Variants in SMIM35 observed in about 807,000 individuals in gnomAD.
SMIM35 encodes small integral membrane protein 35.
At chr11:118,012,146 G>C (rs1311254140) in intron 4 of SMIM35, among the ~76,000 whole-genome samples, 1 of 152,170 alleles carries the variant, frequency 6.6e-6, no homozygotes, top group Non-Finnish European at 1.5e-5. Context: ...TCTGTTGCTG[G>C]GCTGCTAGCA....
intron 1 of SMIM35, among the ~76,000 whole-genome samples, chr11:118,044,719 A>T (rs1245870162): frequency 2.1e-5 from 3 of 143,694 alleles, no homozygotes; most frequent in African/African-American, 7.7e-5. Context: ...GGTTGCAGTG[A>T]GCCGAGACTG....
At chr11:118,031,180 AACT>A (rs1401689191) in intron 1 of SMIM35, among the ~76,000 whole-genome samples, 1 of 152,210 alleles carries the variant, frequency 6.6e-6, no homozygotes, top group Non-Finnish European at 1.5e-5. Flanking sequence ...TATTGGTGTG[AACT>A]ACAGTTTAAT....
intron 1 of SMIM35, among the ~76,000 whole-genome samples, chr11:118,021,963 A>T: frequency 6.6e-6 from 1 of 152,110 alleles, no homozygotes; most frequent in East Asian, 1.9e-4. Context: ...TGGGGAATAC[A>T]CATTGTTCTC....
intron 1 of SMIM35, among the ~76,000 whole-genome samples, chr11:118,031,526 G>C (rs1298850229): frequency 6.6e-6 from 1 of 152,152 alleles, no homozygotes; most frequent in Non-Finnish European, 1.5e-5. Flanking sequence ...AAGTTTTCAA[G>C]GGAAGGCGAG....
chr11:118,013,507 C>G lies in SMIM35; in HGVS notation c.*33+241G>C, dbSNP rs144320589. 2.5e-3 allele frequency among the ~76,000 whole-genome samples: 385 copies of G among 152,230 alleles called. 2 individuals carry two copies. Among genetic ancestry groups the G allele is most frequent in the Middle Eastern group, 0.01 (3 of 292 alleles). ...CACCTTGAATGCAAACAGAACCTTCCCAGGAAGGAAAGGCCGGGCATGGAT... is the reference window on the plus strand; with the variant it reads ...CACCTTGAATGCAAACAGAACCTTCGCAGGAAGGAAAGGCCGGGCATGGAT... On this transcript the variant is annotated intron_variant, in intron 4 of 4. Coordinates refer to ENST00000689828, the MANE Select transcript of SMIM35 (RefSeq NM_001394165.1).
chr11:118,012,630 T>C (rs138101095), intron 4 of SMIM35, among the ~76,000 whole-genome samples: 26 of 152,120 alleles, frequency 1.7e-4, no homozygotes, highest in Non-Finnish European at 3.4e-4. Flanking sequence ...AAATTGGGAG[T>C]TGGCCATGTT....
intron 1 of SMIM35, among the ~76,000 whole-genome samples, chr11:118,017,933 G>T (rs1390304722): frequency 6.6e-6 from 1 of 152,188 alleles, no homozygotes; most frequent in Non-Finnish European, 1.5e-5. Context: ...CCACCCCCAT[G>T]ATTAAATCAC....
chr11:118,053,613 A>G (rs1944258455), intron 1 of SMIM35, among the ~76,000 whole-genome samples: 1 of 152,162 alleles, frequency 6.6e-6, no homozygotes, highest in South Asian at 2.1e-4. Flanking sequence ...TCCCCCAAGA[A>G]CTAGAGGCAA....
chr11:118,071,212 C>T (rs1188720255), intron 1 of SMIM35, among the ~76,000 whole-genome samples: 5 of 152,216 alleles, frequency 3.3e-5, no homozygotes, highest in African/African-American at 1.2e-4. Context: ...TGGAAGGGAA[C>T]ACCTGTTCAT....
At chr11:118,030,912 C>T (rs2058313867) in intron 1 of SMIM35, among the ~76,000 whole-genome samples, 1 of 151,932 alleles carries the variant, frequency 6.6e-6, no homozygotes, top group African/African-American at 2.4e-5. Flanking sequence ...CATGATGGTG[C>T]AGCCCAGCAT....
chr11:118,044,151 A>G (rs182422066), intron 1 of SMIM35, among the ~76,000 whole-genome samples: 1 of 152,202 alleles, frequency 6.6e-6, no homozygotes, highest in Admixed American at 6.5e-5. Flanking sequence ...TGCATTTTCT[A>G]TAATCCAGGT....
rs1473693305 is a variant in SMIM35 at position 118,003,797 on chromosome 11, A to C, written c.*2613T>G. 1 of 152,246 alleles carries C rather than the reference A, an allele frequency of 6.6e-6. No individual in the cohort carries two copies. Among genetic ancestry groups the C allele is most frequent in the African/African-American group, 2.4e-5 (1 of 41,448 alleles). 9.4% of individuals were successfully genotyped at this position (152,246 alleles called of 1,614,324 possible). A position where few individuals can be genotyped will look rare whatever the true frequency, so the allele number is the denominator to read the frequency against. On this transcript the variant is annotated 3_prime_UTR_variant, in exon 5 of 5. Coordinates refer to ENST00000689828, the MANE Select transcript of SMIM35 (RefSeq NM_001394165.1). ...CATCTGGTTATGAAGATAAACACCA[A>C]GCAAATAAACACAACAAACGTATTA...
At chr11:118,044,433 G>C (rs1442760358) in intron 1 of SMIM35, among the ~76,000 whole-genome samples, 1 of 151,872 alleles carries the variant, frequency 6.6e-6, no homozygotes, top group Non-Finnish European at 1.5e-5. Flanking sequence ...AAAGCCAGGA[G>C]ATCTTGCAAA....
At chr11:118,008,783 G>T (rs2135011244) in intron 4 of SMIM35, among the ~76,000 whole-genome samples, 1 of 152,358 alleles carries the variant, frequency 6.6e-6, no homozygotes, top group South Asian at 2.1e-4. Flanking sequence ...GCCATGCAAA[G>T]TACCGTGGAG....
chr11:118,066,695 A>G (rs555660627), intron 1 of SMIM35, among the ~76,000 whole-genome samples: 2 of 152,290 alleles, frequency 1.3e-5, no homozygotes, highest in African/African-American at 4.8e-5. Flanking sequence ...TTAGCCGGGC[A>G]TGGTGGCATG....
At chr11:118,056,938 G>A (rs571639895) in intron 1 of SMIM35, among the ~76,000 whole-genome samples, 2 of 152,304 alleles carry the variant, frequency 1.3e-5, no homozygotes, top group South Asian at 4.1e-4. Flanking sequence ...GTGCAAGGAG[G>A]TGGTGAAGAA....
chr11:118,043,048 T>C (rs996641800), intron 1 of SMIM35, among the ~76,000 whole-genome samples: 1 of 152,230 alleles, frequency 6.6e-6, no homozygotes, highest in African/African-American at 2.4e-5. Flanking sequence ...TCATGCTAAA[T>C]GGTAAAAGGC....
At chr11:118,046,644 G>A (rs933218348) in intron 1 of SMIM35, among the ~76,000 whole-genome samples, 4 of 152,108 alleles carry the variant, frequency 2.6e-5, no homozygotes, top group East Asian at 1.9e-4. Context: ...AGTTCCCTAC[G>A]GATCTTTCAA....
At chr11:118,079,284 G>C (rs917200121) in intron 1 of SMIM35, among the ~76,000 whole-genome samples, 2 of 152,132 alleles carry the variant, frequency 1.3e-5, no homozygotes, top group African/African-American at 4.8e-5. Flanking sequence ...TCCACACCCA[G>C]GCTCAGCCCT....
Sources: gnomAD v4.1 joint callset for allele counts (sites outside exome capture counted in the v4.1 genomes callset) on GRCh38, gnomAD v4.1.1 for gene constraint, MANE v1.5 for transcripts, NCBI Gene and HGNC (gene_info 2026-07-23, HGNC 2026-07-21) for gene names.